Variants in RAB31 observed in about 807,000 individuals in gnomAD.
RAB31 encodes the protein RAB31, member RAS oncogene family.
In RAB31, 21 loss-of-function variants were observed where a neutral mutation model predicts 25.6. That is an observed-to-expected ratio of 0.82 (90% CI 0.58 to 1.18). The LOEUF is 1.18. RAB31 is among the 50% of genes most tolerant of loss of function. The pLI is 0.00. For missense variants in RAB31, 196 were observed against 250.1 expected, an observed-to-expected ratio of 0.78 and a Z score of 1.46; for synonymous variants, 87 against 84.0, an observed-to-expected ratio of 1.04 and a Z score of -0.20.
At chr18:9,852,854 G>A (rs555369201) in intron 6 of RAB31, among the ~76,000 whole-genome samples, 1 of 152,314 alleles carries the variant, frequency 6.6e-6, no homozygotes, top group African/African-American at 2.4e-5. Flanking sequence ...CACCACCAAT[G>A]TGTGGGAGTT....
At chr18:9,811,386 A>G (rs1291759314) in intron 3 of RAB31, among the ~76,000 whole-genome samples, 2 of 152,222 alleles carry the variant, frequency 1.3e-5, no homozygotes, top group Non-Finnish European at 2.9e-5. Context: ...AGTAACAGGG[A>G]AACCTGGGGA....
At chr18:9,750,108 T>A (rs566441790) in intron 1 of RAB31, among the ~76,000 whole-genome samples, 1 of 152,288 alleles carries the variant, frequency 6.6e-6, no homozygotes, top group South Asian at 2.1e-4. Flanking sequence ...ATTTTGTGAC[T>A]CTGTGGAGGC....
At chr18:9,733,598 C>T (rs775136653) in intron 1 of RAB31, among the ~76,000 whole-genome samples, 1 of 152,190 alleles carries the variant, frequency 6.6e-6, no homozygotes, top group Non-Finnish European at 1.5e-5. Context: ...ATCCAAACTC[C>T]AAGCCTCATT....
At chr18:9,776,764 A>C (rs2068374243) in intron 2 of RAB31, among the ~76,000 whole-genome samples, 1 of 152,114 alleles carries the variant, frequency 6.6e-6, no homozygotes, top group Non-Finnish European at 1.5e-5. Flanking sequence ...ACGGGAGCGG[A>C]ACCCCAAGCT....
intron 1 of RAB31, among the ~76,000 whole-genome samples, chr18:9,769,835 CT>C (rs890859202): frequency 2.0e-5 from 3 of 152,074 alleles, no homozygotes; most frequent in Admixed American, 1.3e-4. Flanking sequence ...ATAAGTAGCT[CT>C]TATTATTTTG....
At chr18:9,807,505 T>C (rs1370858586) in intron 3 of RAB31, among the ~76,000 whole-genome samples, 6 of 152,220 alleles carry the variant, frequency 3.9e-5, no homozygotes, top group Admixed American at 3.3e-4. Flanking sequence ...TCTGGAGTTT[T>C]AGGAAATTCC....
At chr18:9,812,233 A>G (rs1222763776) in intron 3 of RAB31, among the ~76,000 whole-genome samples, 1 of 152,184 alleles carries the variant, frequency 6.6e-6, no homozygotes, top group Non-Finnish European at 1.5e-5. Flanking sequence ...ATTTTAGGGG[A>G]GACACAAACA....
chr18:9,796,753 A>G (rs1385722535), intron 3 of RAB31, among the ~76,000 whole-genome samples: 1 of 152,108 alleles, frequency 6.6e-6, no homozygotes, highest in Non-Finnish European at 1.5e-5. Context: ...TAAATTATAC[A>G]TAATGTCTCC....
intron 3 of RAB31, among the ~76,000 whole-genome samples, chr18:9,800,930 A>C (rs1212632086): frequency 1.3e-5 from 2 of 152,226 alleles, no homozygotes; most frequent in Non-Finnish European, 2.9e-5. Context: ...CATTTTTATC[A>C]GTCCAGAAAG....
intron 1 of RAB31, among the ~76,000 whole-genome samples, chr18:9,748,547 C>A (rs117642515): frequency 1.5e-4 from 22 of 151,540 alleles, no homozygotes; most frequent in Admixed American, 2.6e-4. Flanking sequence ...GCCTAAAGAA[C>A]GTAAAATTTG....
intron 3 of RAB31, among the ~76,000 whole-genome samples, chr18:9,806,963 A>G (rs1179562923): frequency 6.6e-6 from 1 of 152,192 alleles, no homozygotes; most frequent in Non-Finnish European, 1.5e-5. Flanking sequence ...ATAATCCAGC[A>G]CTTCAAAACA....
intron 1 of RAB31, among the ~76,000 whole-genome samples, chr18:9,759,267 C>T (rs915250751): frequency 1.3e-5 from 2 of 152,010 alleles, no homozygotes; most frequent in Non-Finnish European, 2.9e-5. Flanking sequence ...ACCTCCTGGG[C>T]TCAAGCAATC....
intron 1 of RAB31, among the ~76,000 whole-genome samples, chr18:9,765,706 T>C (rs1599029728): frequency 6.6e-6 from 1 of 152,136 alleles, no homozygotes. Context: ...AGGTGCAAAG[T>C]ACTTCCGATC....
At chr18:9,850,238 A>C (rs1423105847) in intron 6 of RAB31, among the ~76,000 whole-genome samples, 1 of 152,164 alleles carries the variant, frequency 6.6e-6, no homozygotes, top group Non-Finnish European at 1.5e-5. Context: ...TTATGAGCCT[A>C]GCATATAGGA....
chr18:9,793,325 A>G (rs778053382), intron 3 of RAB31, among the ~76,000 whole-genome samples: 102 of 150,910 alleles, frequency 6.8e-4, no homozygotes, highest in Non-Finnish European at 1.2e-3. Context: ...TAATCCTCCC[A>G]CCTTGGCCTC....
chr18:9,776,849 A>G (rs1291522877), intron 2 of RAB31, among the ~76,000 whole-genome samples: 1 of 152,124 alleles, frequency 6.6e-6, no homozygotes, highest in Non-Finnish European at 1.5e-5. Flanking sequence ...CTCCCCTCCA[A>G]GGATGCTTGC....
At chr18:9,768,872 TA>T (rs1166905985) in intron 1 of RAB31, among the ~76,000 whole-genome samples, 1 of 152,232 alleles carries the variant, frequency 6.6e-6, no homozygotes, top group Non-Finnish European at 1.5e-5. Flanking sequence ...AACTTTTGTA[TA>T]AGGTGTAAGG....
intron 5 of RAB31, among the ~76,000 whole-genome samples, chr18:9,833,385 A>G (rs1380804799): frequency 2.0e-5 from 3 of 152,162 alleles, no homozygotes; most frequent in Non-Finnish European, 4.4e-5. Context: ...CCCAGAAGGG[A>G]GGCAGGTCAC....
chr18:9,796,679 A>G (rs150757100), intron 3 of RAB31, among the ~76,000 whole-genome samples: 1 of 152,228 alleles, frequency 6.6e-6, no homozygotes, highest in East Asian at 1.9e-4. Context: ...TCTGATCTTA[A>G]TAATTGAATG....
Sources: allele counts gnomAD v4.1 joint callset (sites outside exome capture counted in the v4.1 genomes callset), GRCh38; gene constraint gnomAD v4.1.1; transcripts MANE v1.5; gene names NCBI Gene and HGNC (gene_info 2026-07-23, HGNC 2026-07-21).